The following ADAM11 variants were observed in gnomAD, a reference collection of about 807,000 sequenced individuals.
ADAM11 encodes ADAM metallopeptidase domain 11, also known as disintegrin and metalloproteinase domain-containing protein 11.
A neutral mutation model predicts 119.1 loss-of-function variants in ADAM11; 49 were observed. The observed-to-expected ratio is 0.41, with a 90% CI of 0.33 to 0.52. ADAM11 has a LOEUF of 0.52. ADAM11 is among the 20% of genes least tolerant of loss of function. ADAM11 has a pLI of 0.20. For synonymous variants in ADAM11, 364 were observed against 408.0 expected, an observed-to-expected ratio of 0.89 and a Z score of 1.30; for missense variants, 777 against 1,047.5, an observed-to-expected ratio of 0.74 and a Z score of 3.56.
intron 4 of ADAM11, among the ~76,000 whole-genome samples, chr17:44,771,366 C>G (rs183044167): frequency 5.3e-5 from 8 of 152,068 alleles, no homozygotes; most frequent in Non-Finnish European, 1.2e-4. Flanking sequence ...GAAGGAGGCC[C>G]AGAGGTTCCT....
Position 44,772,785 on chromosome 17 carries a change from C to T in ADAM11, c.679-72C>T. On this transcript the variant is annotated intron_variant, in intron 8 of 26. Transcript: ENST00000200557. This position sits in a 1 kb window ranked among gnomAD's most constrained non-coding sequence, Gnocchi z 4.5. Reference sequence around the variant, plus strand: ...CCAGACCCCCCCATCCCCACCGAGTCTGTTCCTGGCTTGGCCATGAGATCA... The same window carrying T: ...CCAGACCCCCCCATCCCCACCGAGTTTGTTCCTGGCTTGGCCATGAGATCA... 7.0e-7 allele frequency: 1 copy of T among 1,426,194 alleles called. No homozygotes were observed. Among genetic ancestry groups the T allele is most frequent in the South Asian group, 1.2e-5 (1 of 82,836 alleles). 88.3% of individuals were successfully genotyped at this position (1,426,194 alleles called of 1,614,324 possible).
rs142172861 is a variant in ADAM11 at position 44,777,630 on chromosome 17, G to A, written c.1901+29G>A. On this transcript the variant is annotated intron_variant, in intron 22 of 26. Coordinates refer to ENST00000200557, the MANE Select transcript of ADAM11 (RefSeq NM_002390.6). This position sits in a 1 kb window ranked among gnomAD's most constrained non-coding sequence, Gnocchi z 5.1. ...CTGGCCAGGACCAAGACTAGGGAGG[G>A]GAGGTTGCAGCTGTGCTGGGGGTTA... is the stretch of plus-strand genomic sequence containing the variant. The A allele has an allele frequency of 4.2e-5, 68 of 1,613,950 alleles. 2 individuals carry two copies. The East Asian group carries it at 1.5e-3, about 35-fold the overall frequency.
chr17:44,772,186 G>A lies in ADAM11; in HGVS notation c.544-81G>A, dbSNP rs1314858633. 10 of 1,354,130 alleles carry A rather than the reference G, an allele frequency of 7.4e-6. No homozygotes were observed. Among genetic ancestry groups the A allele is most frequent in the Middle Eastern group, 1.9e-4 (1 of 5,156 alleles). The allele number at this position is 1,354,130 out of a possible 1,614,324, so 83.9% of individuals were successfully genotyped here. On this transcript the variant is annotated intron_variant, in intron 6 of 26. Coordinates refer to ENST00000200557, the MANE Select transcript of ADAM11 (RefSeq NM_002390.6). This position sits in a 1 kb window ranked among gnomAD's most constrained non-coding sequence, Gnocchi z 4.5. ...GGTCACCCCAGGGTGGGGTGGAGGC[G>A]AGGGCTGGATCTGGCCCCCGCCAAG... is the stretch of plus-strand genomic sequence containing the variant.
intron 4 of ADAM11, among the ~76,000 whole-genome samples, chr17:44,770,987 G>C (rs1567690974): frequency 6.6e-6 from 1 of 152,294 alleles, no homozygotes. Flanking sequence ...GGTGGTGCAT[G>C]CCTGTAATCC....
chr17:44,779,137 A>G, intron 25 of ADAM11, 85 bp from the exon 26 acceptor site: 3 of 1,525,444 alleles, frequency 2.0e-6, no homozygotes, highest in East Asian at 2.6e-5. Context: ...AAGGGGTCGC[A>G]TGGCAGCCAA....
Position 44,770,004 on chromosome 17 carries a change from G to A in ADAM11, c.337G>A (p.Val113Met), listed in dbSNP as rs747120088. The stretch of plus-strand genomic sequence containing the variant: ...CAGCCACCTCCTCTCCTCGCAATAC[G>A]TGGAGCGCCACTTCAGCCGGGAGGG... ...LNHHLLSSQYVERHFSREGTT... is the reference protein window; with the variant it reads ...LNHHLLSSQYMERHFSREGTT... The change falls in exon 4 of 27, where the codon GTG becomes ATG. Residue 113 changes from valine (V) to methionine (M), a missense_variant. Physicochemically the swap from Val to Met is conservative, Grantham distance 21. This residue lies in a region of ADAM11 where 278 missense variants were observed against 310.1 expected (regional missense o/e 0.90). Transcript: ENST00000200557. The A allele has an allele frequency of 1.8e-5, 29 of 1,614,130 alleles. No individual in the cohort carries two copies. The highest frequency in any genetic ancestry group is 1.6e-4 in the Middle Eastern group (1 of 6,062).
intron 2 of ADAM11, among the ~76,000 whole-genome samples, chr17:44,765,404 G>C (rs1462018822): frequency 6.6e-6 from 1 of 152,136 alleles, no homozygotes; most frequent in Non-Finnish European, 1.5e-5. Flanking sequence ...CATCCACCCA[G>C]ATCTGGAGCA....
At position 44,776,826 on chromosome 17, in the gene ADAM11, C is replaced by T; in HGVS notation, c.1617+31C>T. On this transcript the variant is annotated intron_variant, in intron 19 of 26. Transcript: ENST00000200557. The surrounding 1 kb of genome is among the most constrained non-coding windows in gnomAD (Gnocchi z 5.2). The stretch of plus-strand genomic sequence containing the variant: ...ATGGCTGCCCCCTGAGCCTGGGATT[C>T]AGGGCAGTCTCTTGTCTCCACTCTG... 1 of 1,614,060 alleles carries T rather than the reference C, an allele frequency of 6.2e-7. No individual in the cohort carries two copies. Among genetic ancestry groups the T allele is most frequent in the South Asian group, 1.1e-5 (1 of 91,074 alleles).
rs779878596 is a variant in ADAM11 at position 44,769,770 on chromosome 17, T to A, written c.290T>A (p.Phe97Tyr). Reference protein sequence around the residue: ...SFVIPAFNSNFTLDLELNHHL... With the variant: ...SFVIPAFNSNYTLDLELNHHL... ...GTCATCCCAGCCTTCAACTCAAACTTCACCCTGGACCTGGAGCTGAACCAG... is the reference window on the plus strand; with the variant it reads ...GTCATCCCAGCCTTCAACTCAAACTACACCCTGGACCTGGAGCTGAACCAG... Residue 97 changes from phenylalanine (F) to tyrosine (Y), a missense_variant, in exon 3 of 27, where the codon TTC (phenylalanine) becomes TAC (tyrosine). Physicochemically the swap from Phe to Tyr is conservative, Grantham distance 22. Around this residue, in one of 4 missense-constraint regions of ADAM11, gnomAD observed 278 missense variants for 310.1 expected, o/e 0.90. Transcript: ENST00000200557. The A allele has an allele frequency of 1.9e-6, 3 of 1,613,984 alleles. No homozygotes were observed. In the Admixed American group the frequency reaches 5.0e-5, roughly 27 times the overall value.
At chr17:44,770,092 G>A in intron 4 of ADAM11, 44 bp downstream of exon 4, 1 of 1,605,620 alleles carries the variant, frequency 6.2e-7, no homozygotes, top group East Asian at 2.2e-5. Flanking sequence ...TGGAAGGGAG[G>A]TGCTGTTTCT....
chr17:44,771,480 C>G (rs1214616936), intron 4 of ADAM11, 104 bp from the exon 5 acceptor site: 2 of 1,171,714 alleles, frequency 1.7e-6, no homozygotes, highest in African/African-American at 3.1e-5. Context: ...GGGATTGTGG[C>G]CACCTGCACA....
chr17:44,764,787 AAT>A (rs2049427705), intron 2 of ADAM11, among the ~76,000 whole-genome samples: 1 of 152,112 alleles, frequency 6.6e-6, no homozygotes, highest in South Asian at 2.1e-4. Flanking sequence ...TGAGATGATG[AAT>A]GTCAGGTGTC....
intron 2 of ADAM11, among the ~76,000 whole-genome samples, chr17:44,765,538 C>T (rs919325934): frequency 6.6e-6 from 1 of 151,928 alleles, no homozygotes; most frequent in African/African-American, 2.4e-5. Context: ...TTATTATTGA[C>T]CCTTATGATA....
intron 2 of ADAM11, among the ~76,000 whole-genome samples, chr17:44,767,165 C>A (rs900774122): frequency 6.6e-6 from 1 of 151,858 alleles, no homozygotes; most frequent in African/African-American, 2.4e-5. Context: ...ACAAGCCTGG[C>A]CAAGATGGTG....
In ADAM11 at chr17:44,772,114, G is replaced by A. The variant is rs1017987086; in HGVS notation, c.544-153G>A. ...CCCCCAGGTCTTGACCCCGGAATCT[G>A]AGCATCTGGGAGATCAGATCCGACA... is the stretch of plus-strand genomic sequence containing the variant. On this transcript the variant is annotated intron_variant, in intron 6 of 26. Transcript: ENST00000200557. The surrounding 1 kb of genome is among the most constrained non-coding windows in gnomAD (Gnocchi z 4.5). Among the ~76,000 whole-genome samples the A allele has an allele frequency of 5.3e-5, 8 of 152,172 alleles. No homozygotes were observed. The highest frequency in any genetic ancestry group is 1.9e-4 in the African/African-American group (8 of 41,454).
At chr17:44,770,091 G>A in intron 4 of ADAM11, 43 bp downstream of exon 4, 2 of 1,606,110 alleles carry the variant, frequency 1.2e-6, no homozygotes, top group Non-Finnish European at 8.5e-7. Context: ...ATGGAAGGGA[G>A]GTGCTGTTTC....
Position 44,759,168 on chromosome 17 carries a change from G to C in ADAM11, c.-32G>C. 1 of 1,062,008 alleles carries C rather than the reference G, an allele frequency of 9.4e-7. No homozygotes were observed. The highest frequency in any genetic ancestry group is 2.6e-5 in the South Asian group (1 of 38,144). The allele number at this position is 1,062,008 out of a possible 1,614,324, so 65.8% of individuals were successfully genotyped here. On this transcript the variant is annotated 5_prime_UTR_variant, in exon 1 of 27. Transcript: ENST00000200557. The stretch of plus-strand genomic sequence containing the variant: ...CGCCCTCCCCGCGCCGCTGGCAGCC[G>C]CAGCCCCCGGACCGGGAGGAATGAG...
chr17:44,774,784 G>T, intron 14 of ADAM11, 35 bp downstream of exon 14: 1 of 1,586,972 alleles, frequency 6.3e-7, no homozygotes, highest in Non-Finnish European at 8.5e-7. Flanking sequence ...GGAAGGTCTT[G>T]GGCGAGGGGA....
rs71136047 is a variant in ADAM11, at chr17:44,778,713, A to AAAAAAAAAAAAAAAAAAAAAAG, written c.2276+471_2276+472insAAAAAAAAAAAAAAAAAAAAAG. Reference sequence around the variant, plus strand: ...CAAAAAAAAAAAAAAAAAAAAAAAAAGAAAGAAAGAGAGAAAGAAAAGAAA... The same window carrying AAAAAAAAAAAAAAAAAAAAAAG: ...CAAAAAAAAAAAAAAAAAAAAAAAAAAAAAAAAAAAAAAAAAAAAAAGGAAAGAAAGAGAGAAAGAAAAGAAA... On this transcript the variant is annotated intron_variant, in intron 25 of 26. Coordinates refer to ENST00000200557, the MANE Select transcript of ADAM11 (RefSeq NM_002390.6). Among the ~76,000 whole-genome samples, 37 of 80,468 alleles carry AAAAAAAAAAAAAAAAAAAAAAG rather than the reference A, an allele frequency of 4.6e-4. 3 individuals are homozygous for AAAAAAAAAAAAAAAAAAAAAAG. The highest frequency in any genetic ancestry group is 6.1e-4 in the African/African-American group (11 of 18,156). 52.8% of individuals were successfully genotyped at this position (80,468 alleles called of 152,430 possible). A position where few individuals can be genotyped will look rare whatever the true frequency, so the allele number is the denominator to read the frequency against.
Sources: allele counts gnomAD v4.1 joint callset (sites outside exome capture counted in the v4.1 genomes callset), GRCh38; gene constraint gnomAD v4.1.1; regional missense constraint gnomAD v4.1.1; non-coding constraint Gnocchi (gnomAD v3.1); transcripts MANE v1.5; gene names NCBI Gene and HGNC (gene_info 2026-07-23, HGNC 2026-07-21).